Variants in SAMD4A observed in about 807,000 individuals in gnomAD.
The protein encoded by SAMD4A is sterile alpha motif domain containing 4A, also known as protein Smaug homolog 1.
SAMD4A carries 33 observed loss-of-function variants against 81.3 expected under a neutral mutation model. That is an observed-to-expected ratio of 0.41 (90% CI 0.31 to 0.54). The LOEUF (loss-of-function observed/expected upper bound fraction) is 0.54, where lower values mean the gene tolerates loss of function less well. Among genes scored for constraint, SAMD4A ranks in the 20% least tolerant of loss-of-function variants. The probability of loss-of-function intolerance (pLI) is 0.37; values close to 1 mark genes in which losing one functional copy is unlikely to be tolerated. For missense variants in SAMD4A, 854 were observed against 951.1 expected, an observed-to-expected ratio of 0.90 and a Z score of 1.34; for synonymous variants, 389 against 382.1, an observed-to-expected ratio of 1.02 and a Z score of -0.21.
At chr14:54,583,473 T>C (rs1403904402) in intron 2 of SAMD4A, among the ~76,000 whole-genome samples, 1 of 152,168 alleles carries the variant, frequency 6.6e-6, no homozygotes, top group African/African-American at 2.4e-5. Flanking sequence ...CAGAATTCTG[T>C]TGTGCAGTCT....
chr14:54,727,983 G>T (rs1383384635), intron 3 of SAMD4A, among the ~76,000 whole-genome samples: 2 of 152,064 alleles, frequency 1.3e-5, no homozygotes, highest in African/African-American at 4.8e-5. Context: ...TTTGCTGCTG[G>T]GGTCTGTAGC....
chr14:54,733,745 G>T (rs2037617835), intron 3 of SAMD4A, among the ~76,000 whole-genome samples: 1 of 152,020 alleles, frequency 6.6e-6, no homozygotes, highest in Non-Finnish European at 1.5e-5. Context: ...GAAGCCTCTG[G>T]CTAGAGACAT....
chr14:54,568,693 AT>A (rs2033030688), intron 2 of SAMD4A, among the ~76,000 whole-genome samples: 1 of 356 alleles, frequency 2.8e-3, no homozygotes, highest in African/African-American at 0.014. Context: ...TTTGCAGCAT[AT>A]ATATATATAT....
At chr14:54,569,290 G>A (rs2140101022) in intron 2 of SAMD4A, among the ~76,000 whole-genome samples, 1 of 152,214 alleles carries the variant, frequency 6.6e-6, no homozygotes. Context: ...GAAGCGAGCC[G>A]GCCTACTCAT....
chr14:54,569,228 A>T (rs2033055177), intron 2 of SAMD4A, among the ~76,000 whole-genome samples: 1 of 152,178 alleles, frequency 6.6e-6, no homozygotes, highest in South Asian at 2.1e-4. Flanking sequence ...GGTCCAGTCC[A>T]GGGCAGTGGG....
At chr14:54,687,922 A>C in intron 2 of SAMD4A, 2 of 987,182 alleles carry the variant, frequency 2.0e-6, no homozygotes, top group Non-Finnish European at 1.2e-6. Context: ...CTTCTCAGGC[A>C]TCACCCTCTG....
At chr14:54,707,410 AC>A (rs953725849) in intron 3 of SAMD4A, among the ~76,000 whole-genome samples, 3 of 151,972 alleles carry the variant, frequency 2.0e-5, no homozygotes, top group Non-Finnish European at 4.4e-5. Flanking sequence ...AGCCTGACAT[AC>A]ATTATTGATT....
chr14:54,766,855 T>TC (rs1476962911), intron 8 of SAMD4A, among the ~76,000 whole-genome samples: 2 of 152,116 alleles, frequency 1.3e-5, no homozygotes, highest in African/African-American at 2.4e-5. Flanking sequence ...TTCCTAATTG[T>TC]CCCTCGGCAG....
At chr14:54,578,729 A>G (rs934726325) in intron 2 of SAMD4A, among the ~76,000 whole-genome samples, 44 of 152,124 alleles carry the variant, frequency 2.9e-4, no homozygotes, top group African/African-American at 1.0e-3. Flanking sequence ...TAAAAAATAA[A>G]AATAAAAGTC....
At chr14:54,584,611 A>G (rs570992619) in intron 2 of SAMD4A, among the ~76,000 whole-genome samples, 1 of 152,354 alleles carries the variant, frequency 6.6e-6, no homozygotes, top group African/African-American at 2.4e-5. Flanking sequence ...TTGGGTTATT[A>G]TTTAATATTA....
intron 7 of SAMD4A, among the ~76,000 whole-genome samples, chr14:54,760,797 G>A (rs1458421676): frequency 6.6e-6 from 1 of 152,184 alleles, no homozygotes; most frequent in Non-Finnish European, 1.5e-5. Flanking sequence ...CCTTGCAGGA[G>A]GAAGGTGGGA....
At chr14:54,760,109 G>A in intron 6 of SAMD4A, 52 bp from the exon 7 acceptor site, 1 of 1,571,440 alleles carries the variant, frequency 6.4e-7, no homozygotes, top group South Asian at 1.2e-5. Context: ...TACGGGGGTG[G>A]ATGACCCTTA....
At chr14:54,736,612 A>C (rs1262088748) in intron 3 of SAMD4A, among the ~76,000 whole-genome samples, 1 of 152,260 alleles carries the variant, frequency 6.6e-6, no homozygotes, top group Non-Finnish European at 1.5e-5. Context: ...GTAATGTCAG[A>C]ATTTCTGTTT....
intron 2 of SAMD4A, among the ~76,000 whole-genome samples, chr14:54,584,425 T>C (rs1199568846): frequency 3.9e-5 from 6 of 152,326 alleles, no homozygotes; most frequent in South Asian, 4.1e-4. Flanking sequence ...GCTGTTCTAC[T>C]AGGCTTTAGA....
intron 2 of SAMD4A, among the ~76,000 whole-genome samples, chr14:54,574,281 A>C (rs1414765458): frequency 1.3e-5 from 2 of 152,220 alleles, no homozygotes; most frequent in African/African-American, 4.8e-5. Flanking sequence ...TAGAGAACAA[A>C]ACTGAAATTG....
At chr14:54,745,822 A>G (rs574414395) in intron 4 of SAMD4A, among the ~76,000 whole-genome samples, 10 of 152,322 alleles carry the variant, frequency 6.6e-5, no homozygotes, top group South Asian at 2.1e-4. Flanking sequence ...AGAGGCATGC[A>G]TGCCTTCAAT....
chr14:54,683,358 A>G (rs2036175678), intron 2 of SAMD4A, among the ~76,000 whole-genome samples: 1 of 152,250 alleles, frequency 6.6e-6, no homozygotes. Context: ...AGGCAGTCAC[A>G]TAGGATTTCT....
intron 2 of SAMD4A, among the ~76,000 whole-genome samples, chr14:54,571,705 AT>A (rs2140110254): frequency 6.6e-6 from 1 of 152,364 alleles, no homozygotes; most frequent in Admixed American, 6.5e-5. Context: ...AGACAAAAAA[AT>A]AATTGTGGAG....
At chr14:54,777,102 C>A (rs1247571193) in intron 11 of SAMD4A, among the ~76,000 whole-genome samples, 1 of 152,206 alleles carries the variant, frequency 6.6e-6, no homozygotes. Flanking sequence ...AATACTTGAA[C>A]CCTTTCTCTA....
Sources: gnomAD v4.1 joint callset for allele counts (sites outside exome capture counted in the v4.1 genomes callset) on GRCh38, gnomAD v4.1.1 for gene constraint, MANE v1.5 for transcripts, NCBI Gene and HGNC (gene_info 2026-07-23, HGNC 2026-07-21) for gene names.